SCLT1: variants seen among roughly 807,000 people sequenced by gnomAD.
SCLT1 encodes the protein sodium channel and clathrin linker 1.
Under a neutral mutation model 112.8 loss-of-function variants are expected in SCLT1, and 78 were observed. That is an observed-to-expected ratio of 0.69 (90% confidence interval 0.58 to 0.83). SCLT1 has a LOEUF of 0.83. Ranked by LOEUF, SCLT1 falls within the 40% of genes least tolerant of loss-of-function variation. SCLT1 has a pLI of 0.00. For synonymous variants in SCLT1, 257 were observed against 254.7 expected, an observed-to-expected ratio of 1.01 and a Z score of -0.09; for missense variants, 747 against 770.4, an observed-to-expected ratio of 0.97 and a Z score of 0.36.
chr4:129,043,071 C>CA (rs933269112), intron 4 of SCLT1, among the ~76,000 whole-genome samples: 8 of 148,254 alleles, frequency 5.4e-5, no homozygotes, highest in Admixed American at 1.4e-4. Flanking sequence ...GATTCCATCT[C>CA]AAAAAAAAGA....
Position 129,069,039 on chromosome 4 carries a change from C to A in SCLT1, c.102+13267G>T, listed in dbSNP as rs111619327. Among the ~76,000 whole-genome samples the A allele has an allele frequency of 4.7e-3, 715 of 152,212 alleles. 4 individuals are homozygous for A. Among genetic ancestry groups the A allele is most frequent in the African/African-American group, 0.016 (657 of 41,526 alleles). On this transcript the variant is annotated intron_variant, in intron 2 of 20. Coordinates refer to ENST00000281142, the MANE Select transcript of SCLT1 (RefSeq NM_144643.4). ...GATTTGTTGAAAAGGGAGTCCTTTCCCCACTTGATGTTTTTGTTTGCTTTG... is the reference window on the plus strand; with the variant it reads ...GATTTGTTGAAAAGGGAGTCCTTTCACCACTTGATGTTTTTGTTTGCTTTG...
At chr4:128,946,961 T>A (rs570816173) in intron 15 of SCLT1, among the ~76,000 whole-genome samples, 1 of 152,254 alleles carries the variant, frequency 6.6e-6, no homozygotes, top group Admixed American at 6.5e-5. Flanking sequence ...TGTAAGCAGT[T>A]CATACGTTGA....
chr4:129,023,740 C>T (rs1016356754), intron 5 of SCLT1, among the ~76,000 whole-genome samples: 10 of 152,304 alleles, frequency 6.6e-5, no homozygotes, highest in Admixed American at 3.3e-4. Flanking sequence ...CGAGGCATTG[C>T]CTCACTCGGG....
intron 1 of SCLT1, among the ~76,000 whole-genome samples, chr4:129,088,703 T>A (rs1330705112): frequency 6.6e-6 from 1 of 152,174 alleles, no homozygotes; most frequent in Non-Finnish European, 1.5e-5. Flanking sequence ...TCACCACACA[T>A]CTACAGCCAT....
chr4:129,092,449 A>C (rs1752929505), intron 1 of SCLT1, among the ~76,000 whole-genome samples: 1 of 152,170 alleles, frequency 6.6e-6, no homozygotes, highest in Non-Finnish European at 1.5e-5. Context: ...CCTTGAACAT[A>C]TTTTAATAAT....
chr4:128,884,920 T>C (rs909461375), intron 20 of SCLT1, among the ~76,000 whole-genome samples: 3 of 152,222 alleles, frequency 2.0e-5, no homozygotes, highest in South Asian at 4.1e-4. Context: ...ACTGGGATTA[T>C]AGGTGTAAGC....
At chr4:129,001,802 T>G (rs923607382) in intron 6 of SCLT1, among the ~76,000 whole-genome samples, 2 of 152,064 alleles carry the variant, frequency 1.3e-5, no homozygotes, top group African/African-American at 4.8e-5. Context: ...AATTCTTATT[T>G]GTGAGTCTTG....
intron 7 of SCLT1, among the ~76,000 whole-genome samples, chr4:128,999,053 T>C (rs1359853012): frequency 6.6e-6 from 1 of 151,954 alleles, no homozygotes; most frequent in Admixed American, 6.6e-5. Context: ...CCTTGTGAGA[T>C]AATGAGTTCT....
chr4:129,015,093 G>A (rs146526749), intron 5 of SCLT1, among the ~76,000 whole-genome samples: 1 of 152,252 alleles, frequency 6.6e-6, no homozygotes, highest in Non-Finnish European at 1.5e-5. Flanking sequence ...CTGGCAGGGT[G>A]GGACTGGCTG....
downstream of SCLT1, among the ~76,000 whole-genome samples, chr4:128,882,821 G>T (rs568509837): frequency 3.9e-5 from 6 of 152,232 alleles, 1 homozygote; most frequent in Middle Eastern, 6.8e-3. Flanking sequence ...ACTGATATTT[G>T]AGTAGAGATC....
chr4:128,885,995 T>A (rs1465833824), intron 20 of SCLT1, among the ~76,000 whole-genome samples: 3 of 152,228 alleles, frequency 2.0e-5, no homozygotes, highest in Non-Finnish European at 1.5e-5. Flanking sequence ...TATATGTGTT[T>A]AGGGCATTAG....
intron 6 of SCLT1, among the ~76,000 whole-genome samples, chr4:129,000,858 C>G (rs959355314): frequency 6.6e-6 from 1 of 151,802 alleles, no homozygotes; most frequent in East Asian, 1.9e-4. Context: ...CTGGACGACC[C>G]TCTTGTGATC....
intron 2 of SCLT1, among the ~76,000 whole-genome samples, chr4:129,051,836 C>G (rs1748825723): frequency 6.6e-6 from 1 of 152,152 alleles, no homozygotes; most frequent in Non-Finnish European, 1.5e-5. Flanking sequence ...AGTTGTTGCC[C>G]ATTTGGTATG....
intron 18 of SCLT1, among the ~76,000 whole-genome samples, chr4:128,924,954 T>A (rs318564): frequency 1.3e-5 from 2 of 151,854 alleles, no homozygotes; most frequent in African/African-American, 2.4e-5. Flanking sequence ...CTTCCCTTTC[T>A]CCCTCACTCC....
At chr4:129,068,444 GT>G (rs1750689624) in intron 2 of SCLT1, among the ~76,000 whole-genome samples, 2 of 152,078 alleles carry the variant, frequency 1.3e-5, no homozygotes, top group South Asian at 4.1e-4. Flanking sequence ...TCACGTTGTG[GT>G]TTTGTTTTGC....
intron 5 of SCLT1, among the ~76,000 whole-genome samples, chr4:129,025,694 T>C (rs1745992705): frequency 6.6e-6 from 1 of 152,122 alleles, no homozygotes; most frequent in Admixed American, 6.5e-5. Flanking sequence ...AATTCACACA[T>C]AACAATATTA....
chr4:129,058,187 G>T (rs1579881590), intron 2 of SCLT1, among the ~76,000 whole-genome samples: 1 of 152,034 alleles, frequency 6.6e-6, no homozygotes, highest in East Asian at 1.9e-4. Context: ...TCATTTTGTT[G>T]ATCTTTTGTA....
intron 5 of SCLT1, among the ~76,000 whole-genome samples, chr4:129,034,058 C>G (rs1195418436): frequency 6.6e-6 from 1 of 152,076 alleles, no homozygotes; most frequent in Non-Finnish European, 1.5e-5. Flanking sequence ...TTTCTTTTCT[C>G]TTTTTCACTC....
At chr4:128,927,652 A>G (rs1736404192) in intron 18 of SCLT1, among the ~76,000 whole-genome samples, 1 of 152,104 alleles carries the variant, frequency 6.6e-6, no homozygotes, top group Non-Finnish European at 1.5e-5. Flanking sequence ...GCTAAGACAT[A>G]GGGAAAAATT....
Sources: gnomAD v4.1 joint callset for allele counts (sites outside exome capture counted in the v4.1 genomes callset) on GRCh38, gnomAD v4.1.1 for gene constraint, MANE v1.5 for transcripts, NCBI Gene and HGNC (gene_info 2026-07-23, HGNC 2026-07-21) for gene names.